The following CACHD1 variants were observed in gnomAD, a reference collection of about 807,000 sequenced individuals.
CACHD1 encodes the protein VWFA and cache domain-containing protein 1.
In CACHD1, 71 loss-of-function variants were observed where a neutral mutation model predicts 138.7. The ratio of observed to expected loss-of-function variants is 0.51; its 90% CI spans 0.42 to 0.62. The LOEUF (loss-of-function observed/expected upper bound fraction) is 0.62, where lower values mean the gene tolerates loss of function less well. CACHD1 is among the 20% of genes least tolerant of loss of function. The probability of loss-of-function intolerance (pLI) is 0.00; values close to 1 mark genes in which losing one functional copy is unlikely to be tolerated. For synonymous variants in CACHD1, 578 were observed against 591.5 expected (o/e 0.98, Z 0.33); for missense variants, 1,389 against 1,625.3 (o/e 0.85, Z 2.50).
intron 16 of CACHD1, among the ~76,000 whole-genome samples, chr1:64,670,771 C>T (rs1188889640): frequency 6.6e-6 from 1 of 152,158 alleles, no homozygotes; most frequent in Non-Finnish European, 1.5e-5. Flanking sequence ...CAATAACAGC[C>T]TTATAAAGTA....
intron 22 of CACHD1, 93 bp from the exon 23 acceptor site, chr1:64,678,066 T>G: frequency 1.7e-5 from 22 of 1,307,186 alleles, no homozygotes; most frequent in East Asian, 5.2e-5. Context: ...TAGTAAGTAA[T>G]GGAGATCCTG....
chr1:64,470,959 C>A lies in CACHD1; in HGVS notation c.198+17C>A. The A allele has an allele frequency of 6.3e-7, 1 of 1,580,112 alleles. No individual in the cohort carries two copies. Among genetic ancestry groups the A allele is most frequent in the East Asian group, 2.3e-5 (1 of 43,582 alleles). On this transcript the variant is annotated intron_variant, in intron 1 of 26. Coordinates refer to ENST00000651257, the MANE Select transcript of CACHD1 (RefSeq NM_020925.4). The surrounding 1 kb of genome is among the most constrained non-coding windows in gnomAD (Gnocchi z 5.2). ...ACCATGCAGGTAAGTGGCCCCCGAG[C>A]TGGCCAGACATCCCGCCTTTCTCCT... is the stretch of plus-strand genomic sequence containing the variant.
chr1:64,645,242 G>A (rs1176278149), intron 8 of CACHD1, among the ~76,000 whole-genome samples: 1 of 152,084 alleles, frequency 6.6e-6, no homozygotes, highest in Non-Finnish European at 1.5e-5. Context: ...TTAGATAGAA[G>A]GAATAAGATC....
chr1:64,480,811 A>C (rs1294963080), intron 1 of CACHD1, among the ~76,000 whole-genome samples: 1 of 151,874 alleles, frequency 6.6e-6, no homozygotes, highest in Admixed American at 6.6e-5. Flanking sequence ...TCTATTTTGA[A>C]ATTGGATTTT....
chr1:64,652,217 G>A lies in CACHD1; in HGVS notation c.1447G>A (p.Val483Ile), dbSNP rs1649118429. The A allele has an allele frequency of 1.9e-6, 3 of 1,613,748 alleles. No individual in the cohort carries two copies. Among genetic ancestry groups the A allele is most frequent in the Non-Finnish European group, 1.7e-6 (2 of 1,179,784 alleles). ...TTTTGGAAACCTACTTCTGGGAATT[G>A]TAGGTGTGGACGTGAATCTGGCTTA... ...CYFGNLLLGIVGVDVNLAYIL... is the reference protein window; with the variant it reads ...CYFGNLLLGIIGVDVNLAYIL... The change falls in exon 10 of 27, where the codon GTA (valine) becomes ATA (isoleucine). Residue 483 changes from valine to isoleucine, a missense_variant. Physicochemically the swap from Val to Ile is conservative, Grantham distance 29 (BLOSUM62 3). This residue lies in a region of CACHD1 where 1,000 missense variants were observed against 1,114.7 expected (regional missense o/e 0.90). Coordinates refer to ENST00000651257, the MANE Select transcript of CACHD1 (RefSeq NM_020925.4).
At chr1:64,496,826 A>G (rs1477638878) in intron 1 of CACHD1, among the ~76,000 whole-genome samples, 1 of 150,674 alleles carries the variant, frequency 6.6e-6, no homozygotes, top group Non-Finnish European at 1.5e-5. Context: ...TGGAAGCCCA[A>G]TTTCCTCAAA....
intron 1 of CACHD1, among the ~76,000 whole-genome samples, chr1:64,508,063 G>A (rs1646390707): frequency 6.6e-6 from 1 of 152,154 alleles, no homozygotes; most frequent in African/African-American, 2.4e-5. Flanking sequence ...GAAGGTGAGG[G>A]GGCAAAGCAG....
chr1:64,653,660 C>T (rs532681602), intron 10 of CACHD1, 98 bp from the exon 11 acceptor site: 20 of 1,213,216 alleles, frequency 1.6e-5, no homozygotes, highest in African/African-American at 1.2e-4. Flanking sequence ...AGTTGAGTAT[C>T]GGGCAGCCAG....
intron 12 of CACHD1, 58 bp from the exon 13 acceptor site, chr1:64,658,647 C>A: frequency 7.4e-7 from 1 of 1,348,446 alleles, no homozygotes; most frequent in South Asian, 1.4e-5. Flanking sequence ...TATGCAAAGT[C>A]CCTGTCCCCA....
intron 2 of CACHD1, among the ~76,000 whole-genome samples, chr1:64,567,328 T>C (rs575244675): frequency 6.6e-6 from 1 of 152,208 alleles, no homozygotes; most frequent in South Asian, 2.1e-4. Flanking sequence ...TCATCTAGTG[T>C]GGCATTACCT....
chr1:64,549,863 G>A (rs1250872957), intron 1 of CACHD1, among the ~76,000 whole-genome samples: 2 of 145,836 alleles, frequency 1.4e-5, no homozygotes, highest in Non-Finnish European at 3.0e-5. Context: ...TTTGTTATAT[G>A]TTAATCTCTT....
intron 1 of CACHD1, among the ~76,000 whole-genome samples, chr1:64,483,406 TG>T (rs536781463): frequency 1.7e-3 from 253 of 152,318 alleles, no homozygotes; most frequent in African/African-American, 5.8e-3. Flanking sequence ...GAGTTTATGT[TG>T]TCACAAAGAG....
At chr1:64,589,257 C>A (rs1156301002) in intron 3 of CACHD1, among the ~76,000 whole-genome samples, 1 of 152,068 alleles carries the variant, frequency 6.6e-6, no homozygotes, top group Non-Finnish European at 1.5e-5. Flanking sequence ...CTTTTAAGAA[C>A]ACAAATTTAG....
chr1:64,604,579 G>A (rs1041192416), intron 4 of CACHD1, among the ~76,000 whole-genome samples: 1 of 152,196 alleles, frequency 6.6e-6, no homozygotes, highest in Non-Finnish European at 1.5e-5. Context: ...TCAGATGTAA[G>A]CGTTCCAAAA....
chr1:64,606,119 A>ACACACACACACG (rs1336134905), intron 4 of CACHD1, among the ~76,000 whole-genome samples: 40 of 152,038 alleles, frequency 2.6e-4, no homozygotes, highest in African/African-American at 8.2e-4. Flanking sequence ...ACACACACAC[A>ACACACACACACG]CACACACACA....
chr1:64,615,840 G>C (rs148802458), intron 4 of CACHD1, among the ~76,000 whole-genome samples: 2 of 152,196 alleles, frequency 1.3e-5, no homozygotes, highest in African/African-American at 4.8e-5. Context: ...GATGAGCCCA[G>C]ACACACAATA....
chr1:64,631,421 C>T (rs1648299495), intron 5 of CACHD1, among the ~76,000 whole-genome samples: 1 of 152,120 alleles, frequency 6.6e-6, no homozygotes, highest in Non-Finnish European at 1.5e-5. Flanking sequence ...TATAGTGGTA[C>T]TTTAGTAATT....
At chr1:64,604,971 GT>G (rs528557112) in intron 4 of CACHD1, among the ~76,000 whole-genome samples, 148 of 122,900 alleles carry the variant, frequency 1.2e-3, no homozygotes, top group Non-Finnish European at 2.0e-3. Flanking sequence ...TTTTTTCTTT[GT>G]TTTTTTTTTT....
In CACHD1 at chr1:64,640,741, T is replaced by TTA. The variant is rs67605354; in HGVS notation, c.1007-1055_1007-1054dup. The stretch of plus-strand genomic sequence containing the variant: ...CACACACACACACACACTCTCAACA[T>TTA]TATATATATATATATATATATATAT... On this transcript the variant is annotated intron_variant, in intron 7 of 26. Transcript: ENST00000651257. Among the ~76,000 whole-genome samples, 242 of 149,398 alleles carry TTA rather than the reference T, an allele frequency of 1.6e-3. 4 individuals are homozygous for TTA. The highest frequency in any genetic ancestry group is 5.6e-3 in the African/African-American group (224 of 39,670).
Sources: allele counts gnomAD v4.1 joint callset (sites outside exome capture counted in the v4.1 genomes callset), GRCh38; gene constraint gnomAD v4.1.1; regional missense constraint gnomAD v4.1.1; non-coding constraint Gnocchi (gnomAD v3.1); transcripts MANE v1.5; gene names NCBI Gene and HGNC (gene_info 2026-07-23, HGNC 2026-07-21).